TMCO5A: variants seen among roughly 807,000 people sequenced by gnomAD.
TMCO5A encodes the protein transmembrane and coiled-coil domains 5A.
TMCO5A carries 34 observed loss-of-function variants against 42.3 expected under a neutral mutation model. The observed-to-expected ratio is 0.80, with a 90% CI of 0.61 to 1.07. TMCO5A has a LOEUF of 1.07. Ranked by LOEUF, TMCO5A falls within the 50% of genes least tolerant of loss-of-function variation. The probability of loss-of-function intolerance (pLI) is 0.00; values close to 1 mark genes in which losing one functional copy is unlikely to be tolerated. For missense variants in TMCO5A, 357 were observed against 327.9 expected (o/e 1.09, Z -0.69); for synonymous variants, 131 against 115.6 (o/e 1.13, Z -0.86).
intron 10 of TMCO5A, 175 bp downstream of exon 10, chr15:37,943,573 G>T: frequency 1.7e-6 from 1 of 577,780 alleles, no homozygotes; most frequent in Non-Finnish European, 3.0e-6. Context: ...TAGACTCTAA[G>T]GAACAATCTA....
At position 37,943,391 on chromosome 15, in the gene TMCO5A, A is replaced by G; in HGVS notation, c.620A>G (p.Asn207Ser). Reference sequence around the variant, plus strand: ...GTGGAAAAAGAGCATACCAGCCAAAATAATGAGGTAAACACTCCATTCTCT... The same window carrying G: ...GTGGAAAAAGAGCATACCAGCCAAAGTAATGAGGTAAACACTCCATTCTCT... Reference protein sequence around the residue: ...NPVEKEHTSQNNEGTPTQKTA... With the variant: ...NPVEKEHTSQSNEGTPTQKTA... The change falls in exon 10 of 12, where the codon AAT becomes AGT. Residue 207 changes from asparagine to serine, a missense_variant. Coordinates refer to ENST00000319669, the MANE Select transcript of TMCO5A (RefSeq NM_152453.4). The G allele has an allele frequency of 1.2e-6, 2 of 1,612,358 alleles. No individual in the cohort carries two copies. The highest frequency in any genetic ancestry group is 1.7e-6 in the Non-Finnish European group (2 of 1,179,050).
At chr15:37,982,822 ATG>A in the TMCO5A span, among the ~76,000 whole-genome samples, 2 of 147,856 alleles carry the variant, frequency 1.4e-5, no homozygotes, top group Non-Finnish European at 3.0e-5. Context: ...TCATATATAT[ATG>A]TGTGTGTATA....
At chr15:37,997,148 GA>G in the TMCO5A span, among the ~76,000 whole-genome samples, 2 of 152,078 alleles carry the variant, frequency 1.3e-5, no homozygotes, top group Admixed American at 6.6e-5. Context: ...GGAGAAAAAC[GA>G]CCTGGGAGAC....
At chr15:37,943,491 T>C in intron 10 of TMCO5A, 93 bp downstream of exon 10, 1 of 1,254,174 alleles carries the variant, frequency 8.0e-7, no homozygotes, top group East Asian at 2.4e-5. Context: ...ATATACCCAA[T>C]CTTGCCATGC....
At chr15:38,017,826 G>C in the TMCO5A span, among the ~76,000 whole-genome samples, 1 of 152,124 alleles carries the variant, frequency 6.6e-6, no homozygotes, top group Non-Finnish European at 1.5e-5. Context: ...GTTGGGGGCA[G>C]GGCCTGGCGA....
chr15:37,991,339 T>C, the TMCO5A span, among the ~76,000 whole-genome samples: 1 of 152,092 alleles, frequency 6.6e-6, no homozygotes, highest in Non-Finnish European at 1.5e-5. Context: ...TCTGGAAACA[T>C]CTTCATTTCT....
rs148702783 is a variant in TMCO5A, at chr15:37,943,856, C to T, written c.627+458C>T. 991 of 156,040 alleles carry T rather than the reference C, an allele frequency of 6.4e-3. 11 individuals carry two copies. The highest frequency in any genetic ancestry group is 0.022 in the African/African-American group (919 of 41,554). The allele number at this position is 156,040 out of a possible 1,614,324, so 9.7% of individuals were successfully genotyped here. On this transcript the variant is annotated intron_variant, in intron 10 of 11. Transcript: ENST00000319669. ...TTGGCCTGTGAGTTAAAACATAGAA[C>T]GCTATTGCTTCTTTGTGACAGAGTT...
chr15:37,995,837 A>G, the TMCO5A span, among the ~76,000 whole-genome samples: 1 of 149,062 alleles, frequency 6.7e-6, no homozygotes, highest in Non-Finnish European at 1.5e-5. Context: ...CTGTTATGCA[A>G]TCCCCTCCAA....
chr15:37,942,236 C>G lies in TMCO5A; in HGVS notation c.550C>G (p.Leu184Val), dbSNP rs931666974. Reference sequence around the variant, plus strand: ...GAAAATAGAAGAAGAACTAGAGGCTCTGTTCCTTGAGAGAGAAGTGTGAGC... The same window carrying G: ...GAAAATAGAAGAAGAACTAGAGGCTGTGTTCCTTGAGAGAGAAGTGTGAGC... ...LKKIEEELEA[L>V]FLEREVSKLV... The change falls in exon 9 of 12, where the codon CTG becomes GTG. Residue 184 changes from leucine to valine, a missense_variant. Leu to Val is a conservative substitution (Grantham distance 32, BLOSUM62 1). Coordinates refer to ENST00000319669, the MANE Select transcript of TMCO5A (RefSeq NM_152453.4). 8.1e-6 allele frequency: 13 copies of G among 1,612,842 alleles called. No homozygotes were observed. The highest frequency in any genetic ancestry group is 1.1e-5 in the Non-Finnish European group (13 of 1,179,252).
chr15:37,989,532 T>G, the TMCO5A span, among the ~76,000 whole-genome samples: 2 of 152,092 alleles, frequency 1.3e-5, no homozygotes, highest in East Asian at 1.9e-4. Context: ...TTTTCTAATT[T>G]CCCTTGTAAT....
chr15:38,016,937 T>C, the TMCO5A span, among the ~76,000 whole-genome samples: 1 of 151,814 alleles, frequency 6.6e-6, no homozygotes, highest in African/African-American at 2.4e-5. Context: ...TTTAAACCTC[T>C]AAAGAACAGA....
In TMCO5A at chr15:37,957,051, TA is replaced by T. The variant is rs1890309163; in HGVS notation, c.668+9360del. Among the ~76,000 whole-genome samples, 3 of 152,166 alleles carry T rather than the reference TA, an allele frequency of 2.0e-5. 1 individual carries two copies. The South Asian group carries it at 6.2e-4, about 31-fold the overall frequency. On this transcript the variant is annotated intron_variant, in intron 11 of 11. Coordinates refer to the TMCO5A transcript ENST00000559502. The stretch of plus-strand genomic sequence containing the variant: ...GACAAAATTCAACAGCCCTTCATGC[TA>T]AAAACTCTCAATAAACTAGGTATTG...
chr15:38,039,033 G>A, the TMCO5A span, among the ~76,000 whole-genome samples: 1 of 152,134 alleles, frequency 6.6e-6, no homozygotes, highest in Non-Finnish European at 1.5e-5. Context: ...AATGTAACAA[G>A]ACAAAATGAT....
At chr15:38,027,111 A>C in the TMCO5A span, among the ~76,000 whole-genome samples, 6 of 152,080 alleles carry the variant, frequency 3.9e-5, no homozygotes, top group African/African-American at 1.4e-4. Context: ...CTGTGAGAAG[A>C]GGGCCACTGT....
chr15:37,978,880 T>G, the TMCO5A span, among the ~76,000 whole-genome samples: 8 of 152,186 alleles, frequency 5.3e-5, no homozygotes, highest in South Asian at 1.0e-3. Flanking sequence ...CTTTGACTCA[T>G]GGTGGAAGGC....
At chr15:37,982,850 G>A in the TMCO5A span, among the ~76,000 whole-genome samples, 1 of 148,876 alleles carries the variant, frequency 6.7e-6, no homozygotes, top group African/African-American at 2.5e-5. Context: ...ATTTATATAT[G>A]ATTCATGGAG....
At chr15:37,952,697 A>T (rs2140797568), downstream of TMCO5A, among the ~76,000 whole-genome samples, 1 of 152,296 alleles carries the variant, frequency 6.6e-6, no homozygotes, top group East Asian at 1.9e-4. Flanking sequence ...CAGAGGAAAA[A>T]GCAAAGTGGA....
At chr15:38,022,151 G>A in the TMCO5A span, among the ~76,000 whole-genome samples, 1 of 152,070 alleles carries the variant, frequency 6.6e-6, no homozygotes, top group Non-Finnish European at 1.5e-5. Context: ...ATACCATTCA[G>A]CAGTCGTATT....
the TMCO5A span, among the ~76,000 whole-genome samples, chr15:38,013,234 G>A: frequency 5.9e-5 from 9 of 152,302 alleles, no homozygotes; most frequent in African/African-American, 2.2e-4. Context: ...CCAGGAAGCT[G>A]CCTGTGGCTA....
Sources: allele counts gnomAD v4.1 joint callset (sites outside exome capture counted in the v4.1 genomes callset), GRCh38; gene constraint gnomAD v4.1.1; transcripts MANE v1.5; gene names NCBI Gene and HGNC (gene_info 2026-07-23, HGNC 2026-07-21).